The following ERBB4 variants were observed in gnomAD, a reference collection of about 807,000 sequenced individuals.
The protein encoded by ERBB4 is erb-b2 receptor tyrosine kinase 4, also known as receptor tyrosine-protein kinase erbB-4.
In ERBB4, 42 loss-of-function variants were observed where a neutral mutation model predicts 158.0. That is an observed-to-expected ratio of 0.27 (90% CI 0.21 to 0.34). ERBB4 has a LOEUF of 0.34. Ranked by LOEUF, ERBB4 falls within the 10% of genes least tolerant of loss-of-function variation. The pLI is 1.00. For synonymous variants in ERBB4, 583 were observed against 558.7 expected, an observed-to-expected ratio of 1.04 and a Z score of -0.61; for missense variants, 1,333 against 1,624.1, an observed-to-expected ratio of 0.82 and a Z score of 3.08.
chr2:212,432,870 G>C (rs56009971), intron 1 of ERBB4, among the ~76,000 whole-genome samples: 7,791 of 152,080 alleles, frequency 0.051, 245 homozygotes, highest in South Asian at 0.089. Context: ...TATTCAGATG[G>C]TCGGTGAGGA....
At chr2:211,631,811 C>T (rs979946413) in intron 16 of ERBB4, among the ~76,000 whole-genome samples, 4 of 152,050 alleles carry the variant, frequency 2.6e-5, no homozygotes, top group Middle Eastern at 3.2e-3. Context: ...AAAAGAACTT[C>T]CTGCCTGCTC....
chr2:211,450,884 G>A (rs1007380978), intron 20 of ERBB4, among the ~76,000 whole-genome samples: 1 of 152,092 alleles, frequency 6.6e-6, no homozygotes, highest in African/African-American at 2.4e-5. Context: ...AAGGCACCAC[G>A]AGGAGAAAGA....
At chr2:212,342,908 T>C (rs1050727125) in intron 1 of ERBB4, among the ~76,000 whole-genome samples, 1 of 152,190 alleles carries the variant, frequency 6.6e-6, no homozygotes, top group Non-Finnish European at 1.5e-5. Context: ...AACTTTTACA[T>C]CTTCCATTTA....
intron 1 of ERBB4, among the ~76,000 whole-genome samples, chr2:212,499,277 T>G (rs1261632659): frequency 6.6e-6 from 1 of 151,926 alleles, no homozygotes; most frequent in Non-Finnish European, 1.5e-5. Context: ...CAAAGTTCAT[T>G]TCAGTAATTT....
chr2:212,119,563 G>A lies in ERBB4; in HGVS notation c.234+5189C>T, dbSNP rs532432906. Reference sequence around the variant, plus strand: ...AGTGTAAGACAATAGCACAAAATCTGTGATTTTTATGCCTCGCTGCTTTCT... The same window carrying A: ...AGTGTAAGACAATAGCACAAAATCTATGATTTTTATGCCTCGCTGCTTTCT... On this transcript the variant is annotated intron_variant, in intron 2 of 27. Transcript: ENST00000342788. Among the ~76,000 whole-genome samples the A allele has an allele frequency of 2.6e-5, 4 of 152,268 alleles. No individual in the cohort carries two copies. The South Asian group carries it at 8.3e-4, about 32-fold the overall frequency.
chr2:212,519,457 C>T (rs1692026222), intron 1 of ERBB4, among the ~76,000 whole-genome samples: 1 of 151,662 alleles, frequency 6.6e-6, no homozygotes, highest in South Asian at 2.1e-4. Flanking sequence ...ATTAAAGCTA[C>T]TGCACAAAAT....
At chr2:211,501,166 T>A (rs2065605218) in intron 20 of ERBB4, among the ~76,000 whole-genome samples, 1 of 151,882 alleles carries the variant, frequency 6.6e-6, no homozygotes. Context: ...AAAAGGAGTT[T>A]ATTAAAAAGC....
intron 1 of ERBB4, among the ~76,000 whole-genome samples, chr2:212,509,966 T>A (rs1419567313): frequency 6.6e-6 from 1 of 151,780 alleles, no homozygotes; most frequent in African/African-American, 2.4e-5. Flanking sequence ...CAAAATTTTG[T>A]TGTAAAATGT....
chr2:211,883,422 T>C (rs1346246639), intron 3 of ERBB4, among the ~76,000 whole-genome samples: 1 of 152,042 alleles, frequency 6.6e-6, no homozygotes, highest in Non-Finnish European at 1.5e-5. Context: ...GTTGTGCACA[T>C]GTACCCTAAA....
At chr2:212,455,589 G>A (rs1249239858) in intron 1 of ERBB4, among the ~76,000 whole-genome samples, 1 of 151,848 alleles carries the variant, frequency 6.6e-6, no homozygotes, top group East Asian at 1.9e-4. Flanking sequence ...TGTGTACTCA[G>A]CTCCTGCTGC....
intron 7 of ERBB4, among the ~76,000 whole-genome samples, chr2:211,719,101 C>T (rs137956205): frequency 2.0e-5 from 3 of 152,242 alleles, no homozygotes; most frequent in African/African-American, 7.2e-5. Context: ...ACTTCTTGTT[C>T]TGTTATGAAT....
chr2:212,301,540 G>A (rs2086621651), intron 1 of ERBB4, among the ~76,000 whole-genome samples: 1 of 151,212 alleles, frequency 6.6e-6, no homozygotes, highest in South Asian at 2.1e-4. Flanking sequence ...CATTTAATTT[G>A]ACCAGTCATC....
intron 1 of ERBB4, among the ~76,000 whole-genome samples, chr2:212,288,426 C>T (rs1405321526): frequency 6.6e-6 from 1 of 152,096 alleles, no homozygotes; most frequent in East Asian, 1.9e-4. Flanking sequence ...CTGAGACAGC[C>T]AAGTAAAAAG....
chr2:212,223,267 A>G (rs1375151254), intron 1 of ERBB4, among the ~76,000 whole-genome samples: 2 of 150,482 alleles, frequency 1.3e-5, no homozygotes, highest in Non-Finnish European at 3.0e-5. Flanking sequence ...CTTAAATACA[A>G]TACTGTTTCA....
In ERBB4 at chr2:211,382,600, G is replaced by A. The variant is rs76182521; in HGVS notation, c.*1015C>T. 4.3e-6 allele frequency: 1 copy of A among 232,772 alleles called. No individual in the cohort carries two copies. The highest frequency in any genetic ancestry group is 6.1e-5 in the East Asian group (1 of 16,506). 14.4% of individuals were successfully genotyped at this position (232,772 alleles called of 1,614,324 possible). ...CCAGTGTGTTTCTTCCAGTTCAATG[G>A]ATTCCCTCATTGGGCCACCCCTGAA... On this transcript the variant is annotated 3_prime_UTR_variant, in exon 28 of 28. Coordinates refer to ENST00000342788, the MANE Select transcript of ERBB4 (RefSeq NM_005235.3).
chr2:212,255,129 C>T (rs1389873397), intron 1 of ERBB4, among the ~76,000 whole-genome samples: 3 of 152,120 alleles, frequency 2.0e-5, no homozygotes, highest in African/African-American at 2.4e-5. Context: ...TCATCCTTCT[C>T]GCTGTTGTGC....
intron 1 of ERBB4, among the ~76,000 whole-genome samples, chr2:212,437,274 T>C (rs917595628): frequency 1.3e-5 from 2 of 152,038 alleles, no homozygotes; most frequent in African/African-American, 4.8e-5. Flanking sequence ...TCCAGCTCTC[T>C]GGGATACAAG....
chr2:211,477,548 C>A (rs1329743058), intron 20 of ERBB4, among the ~76,000 whole-genome samples: 3 of 151,988 alleles, frequency 2.0e-5, no homozygotes, highest in Non-Finnish European at 4.4e-5. Context: ...GGTTGGGTGG[C>A]AAAATTTTAT....
rs114898075 is a variant in ERBB4 at position 212,239,396 on chromosome 2, T to C, written c.83-114493A>G. ...AGTAATTGCATATGCCCTACATTTC[T>C]GACATGGTTGTGTGAATGTTACATG... is the stretch of plus-strand genomic sequence containing the variant. On this transcript the variant is annotated intron_variant, in intron 1 of 27. Transcript: ENST00000342788. Among the ~76,000 whole-genome samples the C allele has an allele frequency of 7.1e-3, 1,082 of 152,314 alleles. 14 individuals carry two copies. Among genetic ancestry groups the C allele is most frequent in the African/African-American group, 0.025 (1,052 of 41,556 alleles).
Sources: allele counts gnomAD v4.1 joint callset (sites outside exome capture counted in the v4.1 genomes callset), GRCh38; gene constraint gnomAD v4.1.1; transcripts MANE v1.5; gene names NCBI Gene and HGNC (gene_info 2026-07-23, HGNC 2026-07-21).